The following PATJ variants were observed in gnomAD, a reference collection of about 807,000 sequenced individuals.
The protein encoded by PATJ is inaD-like protein.
Under a neutral mutation model 224.9 loss-of-function variants are expected in PATJ, and 190 were observed. That is an observed-to-expected ratio of 0.84 (90% CI 0.75 to 0.95). PATJ has a LOEUF of 0.95. PATJ is among the 40% of genes least tolerant of loss of function. The pLI is 0.00. For missense variants in PATJ, 2,121 were observed against 2,270.3 expected (o/e 0.93, Z 1.34); for synonymous variants, 769 against 820.3 (o/e 0.94, Z 1.07).
intron 41 of PATJ, among the ~76,000 whole-genome samples, chr1:62,146,670 G>A (rs1390614640): frequency 2.0e-5 from 3 of 151,960 alleles, no homozygotes; most frequent in African/African-American, 4.8e-5. Flanking sequence ...CCAGCTACTC[G>A]GGAGGCTGAG....
At chr1:61,947,563 G>A (rs1377751961) in intron 27 of PATJ, among the ~76,000 whole-genome samples, 1 of 152,120 alleles carries the variant, frequency 6.6e-6, no homozygotes, top group Non-Finnish European at 1.5e-5. Flanking sequence ...TAAAATAAAA[G>A]ACGATACAAA....
At chr1:61,981,723 G>A (rs1644461588) in intron 27 of PATJ, among the ~76,000 whole-genome samples, 1 of 151,244 alleles carries the variant, frequency 6.6e-6, no homozygotes, top group South Asian at 2.1e-4. Context: ...CCAGGTTGGA[G>A]TGCAGTGACA....
At chr1:61,745,862 C>T (rs1460557646) in intron 1 of PATJ, among the ~76,000 whole-genome samples, 2 of 151,824 alleles carry the variant, frequency 1.3e-5, no homozygotes, top group Admixed American at 6.6e-5. Context: ...CCTTGGACTC[C>T]CAAAGTGCTG....
At chr1:61,964,397 T>C (rs1681772205) in intron 27 of PATJ, among the ~76,000 whole-genome samples, 2 of 152,168 alleles carry the variant, frequency 1.3e-5, no homozygotes, top group South Asian at 4.1e-4. Flanking sequence ...AGCAGTATAA[T>C]TTCTTATGTG....
intron 41 of PATJ, among the ~76,000 whole-genome samples, chr1:62,132,484 A>C (rs971033257): frequency 6.6e-6 from 1 of 152,044 alleles, no homozygotes; most frequent in Non-Finnish European, 1.5e-5. Flanking sequence ...GGCAACGTGA[A>C]TATGGAAGCA....
chr1:62,070,599 G>C (rs1473167410), intron 31 of PATJ, among the ~76,000 whole-genome samples: 1 of 152,136 alleles, frequency 6.6e-6, no homozygotes, highest in Non-Finnish European at 1.5e-5. Context: ...CTTGTGGAAG[G>C]GGCACCACCC....
chr1:61,940,492 G>A (rs1177647869), intron 27 of PATJ, among the ~76,000 whole-genome samples: 2 of 151,992 alleles, frequency 1.3e-5, no homozygotes, highest in Admixed American at 6.6e-5. Context: ...CGAGATGGGC[G>A]GATCACGAGG....
intron 23 of PATJ, among the ~76,000 whole-genome samples, 172 bp downstream of exon 23, chr1:61,899,826 C>G (rs984136038): frequency 2.6e-5 from 4 of 152,166 alleles, no homozygotes; most frequent in African/African-American, 9.7e-5. Flanking sequence ...AGATTTTTAG[C>G]TGAACAAAAT....
intron 26 of PATJ, among the ~76,000 whole-genome samples, chr1:61,921,668 A>C (rs1159023934): frequency 1.3e-5 from 2 of 152,164 alleles, no homozygotes; most frequent in Admixed American, 1.3e-4. Flanking sequence ...TTAAATCCTT[A>C]TCTCTCATTA....
At chr1:61,937,767 C>T (rs1177718951) in intron 27 of PATJ, among the ~76,000 whole-genome samples, 1 of 151,642 alleles carries the variant, frequency 6.6e-6, no homozygotes, top group Non-Finnish European at 1.5e-5. Context: ...TCTCCTGCCT[C>T]AGCCTCCCAA....
At chr1:62,127,393 C>G (rs1665824915) in intron 39 of PATJ, among the ~76,000 whole-genome samples, 1 of 148,806 alleles carries the variant, frequency 6.7e-6, no homozygotes, top group African/African-American at 2.5e-5. Flanking sequence ...TCTTCATAGC[C>G]TTTCCGGGCT....
intron 17 of PATJ, among the ~76,000 whole-genome samples, chr1:61,834,656 AT>A (rs1279117045): frequency 6.6e-6 from 1 of 152,258 alleles, no homozygotes; most frequent in Non-Finnish European, 1.5e-5. Flanking sequence ...GCCAAGTGAT[AT>A]TTAAAAATCA....
At chr1:62,144,502 G>A (rs980497585) in intron 41 of PATJ, among the ~76,000 whole-genome samples, 1 of 152,054 alleles carries the variant, frequency 6.6e-6, no homozygotes, top group Non-Finnish European at 1.5e-5. Flanking sequence ...CTGTATTTGT[G>A]CAGTGAGAAT....
chr1:61,996,741 C>CTTTTCTTTTT (rs1355853671), intron 28 of PATJ, among the ~76,000 whole-genome samples: 1 of 97,736 alleles, frequency 1.0e-5, no homozygotes, highest in African/African-American at 3.9e-5. Flanking sequence ...CTTTTCTTTT[C>CTTTTCTTTTT]TTTTTTTTTT....
chr1:62,056,199 A>G (rs1433450835), intron 31 of PATJ, among the ~76,000 whole-genome samples: 1 of 152,178 alleles, frequency 6.6e-6, no homozygotes, highest in Non-Finnish European at 1.5e-5. Flanking sequence ...ATAGTGTTTT[A>G]CCAGCTAGCT....
Position 61,864,603 on chromosome 1 carries a change from A to G in PATJ, c.2805A>G (p.Ala935=). Reference sequence around the variant, plus strand: ...GGAGGACTGTCTATTCCCAGGAGGCACAGCCGTATGGCTATTGCCCTGAAA... The same window carrying G: ...GGAGGACTGTCTATTCCCAGGAGGCGCAGCCGTATGGCTATTGCCCTGAAA... ...RTGRTVYSQE[A]QPYGYCPENV... Residue 935 remains alanine, a synonymous_variant, in exon 20 of 44, where the codon GCA becomes GCG. Transcript: ENST00000642238. 1.2e-6 allele frequency: 2 copies of G among 1,602,818 alleles called. No homozygotes were observed. Among genetic ancestry groups the G allele is most frequent in the Non-Finnish European group, 1.7e-6 (2 of 1,175,692 alleles).
At chr1:62,124,024 G>C (rs1307611303) in intron 39 of PATJ, among the ~76,000 whole-genome samples, 1 of 151,908 alleles carries the variant, frequency 6.6e-6, no homozygotes, top group Non-Finnish European at 1.5e-5. Context: ...TCATAAATTT[G>C]TCGAACCCTG....
chr1:62,145,994 A>C (rs2481671), intron 41 of PATJ, among the ~76,000 whole-genome samples: 55,737 of 151,872 alleles, frequency 0.37, 11,069 homozygotes, highest in Non-Finnish European at 0.46. Flanking sequence ...GAAAGAAATA[A>C]ATATTTAGAA....
chr1:61,909,042 C>T (rs920506251), intron 25 of PATJ, among the ~76,000 whole-genome samples: 1 of 152,012 alleles, frequency 6.6e-6, no homozygotes, highest in Non-Finnish European at 1.5e-5. Flanking sequence ...TGCAGTGGCA[C>T]GATCTCAGCT....
Sources: allele counts gnomAD v4.1 joint callset (sites outside exome capture counted in the v4.1 genomes callset), GRCh38; gene constraint gnomAD v4.1.1; transcripts MANE v1.5; gene names NCBI Gene and HGNC (gene_info 2026-07-23, HGNC 2026-07-21).